Variants in VWA8 observed in about 807,000 individuals in gnomAD.
VWA8 encodes the protein von Willebrand factor A domain-containing protein 8.
A neutral mutation model predicts 241.5 loss-of-function variants in VWA8; 221 were observed. The observed-to-expected ratio is 0.91, with a 90% confidence interval of 0.82 to 1.02. The LOEUF (loss-of-function observed/expected upper bound fraction) is 1.02. Among genes scored for constraint, VWA8 ranks in the 50% least tolerant of loss-of-function variants. The pLI, the probability that VWA8 is intolerant of heterozygous loss-of-function variation, is 0.00. For synonymous variants in VWA8, 852 were observed against 827.1 expected (o/e 1.03, Z -0.52); for missense variants, 2,322 against 2,328.7 (o/e 1.00, Z 0.06).
intron 30 of VWA8, among the ~76,000 whole-genome samples, chr13:41,692,231 C>T (rs1299791628): frequency 1.3e-5 from 2 of 151,836 alleles, no homozygotes; most frequent in Non-Finnish European, 2.9e-5. Flanking sequence ...GGAATTTACA[C>T]CATAAAATAA....
At chr13:41,773,494 A>T (rs928013199) in intron 20 of VWA8, among the ~76,000 whole-genome samples, 1 of 152,208 alleles carries the variant, frequency 6.6e-6, no homozygotes, top group African/African-American at 2.4e-5. Context: ...AGCACAGAGA[A>T]AGAGAACACA....
intron 23 of VWA8, among the ~76,000 whole-genome samples, chr13:41,727,679 T>C (rs994367814): frequency 1.3e-5 from 2 of 152,178 alleles, no homozygotes; most frequent in African/African-American, 2.4e-5. Flanking sequence ...ATCCAAGGAA[T>C]AGCTAAAGGA....
At chr13:41,765,022 G>T (rs988187750) in intron 20 of VWA8, among the ~76,000 whole-genome samples, 1 of 152,002 alleles carries the variant, frequency 6.6e-6, no homozygotes, top group South Asian at 2.1e-4. Flanking sequence ...AGAGAGAAAT[G>T]AATATATTTA....
In VWA8 at chr13:41,867,099, G is replaced by C. The variant is rs79887455; in HGVS notation, c.1213-1063C>G. Among the ~76,000 whole-genome samples the C allele has an allele frequency of 4.6e-5, 7 of 152,296 alleles. No individual in the cohort carries two copies. The East Asian group carries it at 9.6e-4, about 21-fold the overall frequency. ...ATGGAAAGCTAACTGGAAGAGACTA[G>C]AGGCAATGAGGTTAAAAAGCCATTA... On this transcript the variant is annotated intron_variant, in intron 10 of 44. Transcript: ENST00000379310.
At chr13:41,856,240 A>G (rs1872742950) in intron 12 of VWA8, among the ~76,000 whole-genome samples, 2 of 152,146 alleles carry the variant, frequency 1.3e-5, no homozygotes, top group African/African-American at 2.4e-5. Context: ...GATGGCTAAG[A>G]TATGAAAATC....
At chr13:41,956,044 A>G (rs1878338045) in intron 1 of VWA8, among the ~76,000 whole-genome samples, 1 of 152,198 alleles carries the variant, frequency 6.6e-6, no homozygotes, top group Non-Finnish European at 1.5e-5. Flanking sequence ...AATTCTGTTA[A>G]GTTTAGTGAG....
rs779895815 is a variant in VWA8 at position 41,568,272 on chromosome 13, G to A, written c.5643C>T (p.Phe1881=). The change falls in exon 45 of 45, where the codon TTC becomes TTT. Residue 1881 remains phenylalanine (F), a synonymous_variant. Transcript: ENST00000379310. ...GGATATCCTTGGTATCCATGGCAAC[G>A]AAAGACCGACCAGCTGGTAAAGTTC... ...LQRTLPAGRS[F]VAMDTKDIPQ... 25 of 1,614,026 alleles carry A rather than the reference G, an allele frequency of 1.5e-5. No homozygotes were observed. The highest frequency in any genetic ancestry group is 5.5e-5 in the South Asian group (5 of 91,078).
At chr13:41,674,738 G>A (rs1489291998) in intron 36 of VWA8, among the ~76,000 whole-genome samples, 2 of 152,136 alleles carry the variant, frequency 1.3e-5, no homozygotes, top group Non-Finnish European at 2.9e-5. Flanking sequence ...ACAGTAATAA[G>A]TCCTATTCTA....
chr13:41,870,714 G>T lies in VWA8; in HGVS notation c.1081-2237C>A, dbSNP rs117366899. 4.7e-4 allele frequency among the ~76,000 whole-genome samples: 72 copies of T among 151,680 alleles called. 1 individual carries two copies. In the East Asian group the frequency reaches 0.014, roughly 29 times the overall value. ...GGAAAACAAATAAATGAGCTTAAAT[G>T]TATGTTTTCCCACAGCTAGAGTAGT... is the stretch of plus-strand genomic sequence containing the variant. On this transcript the variant is annotated intron_variant, in intron 9 of 44. Transcript: ENST00000379310.
intron 19 of VWA8, among the ~76,000 whole-genome samples, chr13:41,781,296 T>C (rs996271938): frequency 1.3e-5 from 2 of 152,126 alleles, no homozygotes; most frequent in Non-Finnish European, 2.9e-5. Flanking sequence ...CAACAATTTA[T>C]ATATAGCTCC....
intron 41 of VWA8, among the ~76,000 whole-genome samples, chr13:41,590,027 A>G (rs2139646943): frequency 6.6e-6 from 1 of 152,090 alleles, no homozygotes; most frequent in East Asian, 1.9e-4. Context: ...TGATTTTCAG[A>G]GAACCTTCAG....
chr13:41,797,255 T>A (rs1869748178), intron 17 of VWA8, among the ~76,000 whole-genome samples: 1 of 151,562 alleles, frequency 6.6e-6, no homozygotes, highest in Non-Finnish European at 1.5e-5. Context: ...TTGGCCAAGC[T>A]GGTCTTGAAC....
intron 1 of VWA8, among the ~76,000 whole-genome samples, chr13:41,957,862 A>C (rs1878418614): frequency 6.6e-6 from 1 of 152,180 alleles, no homozygotes; most frequent in Non-Finnish European, 1.5e-5. Flanking sequence ...AAAGCACCAA[A>C]ATGTCATGAT....
At chr13:41,731,777 C>G (rs1385140908) in intron 22 of VWA8, among the ~76,000 whole-genome samples, 2 of 152,092 alleles carry the variant, frequency 1.3e-5, no homozygotes, top group Non-Finnish European at 2.9e-5. Flanking sequence ...ATGAATAAGT[C>G]TCACAAGATC....
chr13:41,818,765 C>T (rs1160430375), intron 15 of VWA8, among the ~76,000 whole-genome samples: 2 of 152,226 alleles, frequency 1.3e-5, no homozygotes, highest in Middle Eastern at 3.4e-3. Context: ...GGACTACTTA[C>T]TATTTACGTG....
At chr13:41,597,487 T>C (rs2044496169) in intron 40 of VWA8, among the ~76,000 whole-genome samples, 1 of 152,146 alleles carries the variant, frequency 6.6e-6, no homozygotes, top group South Asian at 2.1e-4. Context: ...TTCATGTTTC[T>C]TGAAGTAATA....
chr13:41,741,069 C>T (rs184130693), intron 21 of VWA8, among the ~76,000 whole-genome samples: 215 of 152,252 alleles, frequency 1.4e-3, no homozygotes, highest in African/African-American at 4.8e-3. Context: ...CCACATAACA[C>T]TTATCACTAT....
intron 26 of VWA8, among the ~76,000 whole-genome samples, chr13:41,717,656 A>G (rs566788580): frequency 6.6e-6 from 1 of 152,186 alleles, no homozygotes; most frequent in East Asian, 1.9e-4. Flanking sequence ...AGAAATTGCT[A>G]CGGAACCTGT....
intron 26 of VWA8, among the ~76,000 whole-genome samples, chr13:41,713,050 C>T (rs1593713810): frequency 6.6e-6 from 1 of 152,284 alleles, no homozygotes; most frequent in East Asian, 1.9e-4. Context: ...CATAGAAATG[C>T]CTAGTTAACT....
Sources: allele counts gnomAD v4.1 joint callset (sites outside exome capture counted in the v4.1 genomes callset), GRCh38; gene constraint gnomAD v4.1.1; transcripts MANE v1.5; gene names NCBI Gene and HGNC (gene_info 2026-07-23, HGNC 2026-07-21).